Variants in FHOD3 observed in about 807,000 individuals in gnomAD.
FHOD3 encodes the protein formin homology 2 domain containing 3.
Under a neutral mutation model 173.0 loss-of-function variants are expected in FHOD3, and 90 were observed. That is an observed-to-expected ratio of 0.52 (90% CI 0.44 to 0.62). FHOD3 has a LOEUF of 0.62. FHOD3 is among the 20% of genes least tolerant of loss of function. FHOD3 has a pLI of 0.00. For missense variants in FHOD3, 1,945 were observed against 2,034.7 expected (o/e 0.96, Z 0.85); for synonymous variants, 828 against 823.0 (o/e 1.01, Z -0.10).
At chr18:36,625,819 C>T in intron 10 of FHOD3, 70 bp downstream of exon 10, 1 of 1,318,690 alleles carries the variant, frequency 7.6e-7, no homozygotes, top group Non-Finnish European at 1.0e-6. Flanking sequence ...AGGTGCCTGC[C>T]ACTCTCCCCT....
chr18:36,769,217 G>A (rs2043268485), intron 27 of FHOD3, 48 bp from the exon 28 acceptor site: 1 of 1,594,674 alleles, frequency 6.3e-7, no homozygotes, highest in African/African-American at 1.3e-5. Context: ...TATATCTTTT[G>A]TGTTTTCCTT....
At chr18:36,376,868 A>G (rs2047465910) in intron 3 of FHOD3, among the ~76,000 whole-genome samples, 1 of 152,264 alleles carries the variant, frequency 6.6e-6, no homozygotes, top group Non-Finnish European at 1.5e-5. Context: ...AGAACCTCCT[A>G]GTGCAAGAGT....
At chr18:36,723,874 A>G (rs2040917226) in intron 19 of FHOD3, among the ~76,000 whole-genome samples, 1 of 152,212 alleles carries the variant, frequency 6.6e-6, no homozygotes, top group Non-Finnish European at 1.5e-5. Context: ...AAGCTTAATG[A>G]CTACTATTAA....
At chr18:36,640,479 C>A (rs560211627) in intron 10 of FHOD3, among the ~76,000 whole-genome samples, 1 of 152,294 alleles carries the variant, frequency 6.6e-6, no homozygotes, top group African/African-American at 2.4e-5. Flanking sequence ...AGGCCAAGAT[C>A]AAACTGCAAT....
At chr18:36,471,409 T>A (rs757047014) in intron 3 of FHOD3, among the ~76,000 whole-genome samples, 5 of 152,206 alleles carry the variant, frequency 3.3e-5, no homozygotes, top group Non-Finnish European at 7.3e-5. Context: ...AAAATTGTTA[T>A]GCGTGGATAT....
chr18:36,605,442 T>G (rs1287365129), intron 8 of FHOD3, among the ~76,000 whole-genome samples: 5 of 152,226 alleles, frequency 3.3e-5, no homozygotes, highest in Admixed American at 6.5e-5. Context: ...CACTTACTCT[T>G]TCTCTTCTGG....
chr18:36,480,079 G>T (rs1223115888), intron 3 of FHOD3, among the ~76,000 whole-genome samples: 1 of 152,222 alleles, frequency 6.6e-6, no homozygotes. Flanking sequence ...CTGGGTTTAA[G>T]CAAATGTACT....
chr18:36,530,709 T>A (rs8097278), intron 5 of FHOD3, among the ~76,000 whole-genome samples: 87,998 of 152,110 alleles, frequency 0.58, 25,475 homozygotes, highest in East Asian at 0.62. Context: ...ATCCATGTGA[T>A]TTTCTCTAGG....
intron 6 of FHOD3, among the ~76,000 whole-genome samples, chr18:36,590,210 C>T (rs562837174): frequency 2.7e-4 from 41 of 151,608 alleles, no homozygotes; most frequent in South Asian, 4.2e-4. Context: ...AACATAAGCG[C>T]AAGGGGCACC....
intron 14 of FHOD3, among the ~76,000 whole-genome samples, chr18:36,678,685 G>C (rs902844422): frequency 1.3e-5 from 2 of 151,482 alleles, no homozygotes; most frequent in African/African-American, 2.4e-5. Flanking sequence ...TTAAACAAAT[G>C]GTTGTTGAAT....
chr18:36,571,214 T>C (rs1460509278), intron 5 of FHOD3, among the ~76,000 whole-genome samples: 1 of 152,200 alleles, frequency 6.6e-6, no homozygotes, highest in Non-Finnish European at 1.5e-5. Flanking sequence ...ATTTTGTTTC[T>C]ATATACTAAC....
At chr18:36,454,300 G>A (rs2052037780) in intron 3 of FHOD3, among the ~76,000 whole-genome samples, 1 of 151,872 alleles carries the variant, frequency 6.6e-6, no homozygotes, top group Non-Finnish European at 1.5e-5. Flanking sequence ...TACACCCAGG[G>A]ACACACATGG....
chr18:36,532,997 C>T (rs1267515168), intron 5 of FHOD3, among the ~76,000 whole-genome samples: 1 of 152,188 alleles, frequency 6.6e-6, no homozygotes, highest in African/African-American at 2.4e-5. Context: ...CCTGGGCTTC[C>T]CACAGTGGGA....
chr18:36,361,701 A>G (rs2046629469), intron 2 of FHOD3, among the ~76,000 whole-genome samples: 1 of 150,638 alleles, frequency 6.6e-6, no homozygotes, highest in Admixed American at 6.6e-5. Flanking sequence ...AAAAAAAAAA[A>G]GAAAAAAAAA....
chr18:36,660,498 G>C (rs192657994), intron 14 of FHOD3, among the ~76,000 whole-genome samples: 1 of 152,348 alleles, frequency 6.6e-6, no homozygotes, highest in Admixed American at 6.5e-5. Flanking sequence ...AGAGATGACC[G>C]TGCCCAACAT....
chr18:36,608,269 G>A (rs1331178627), intron 8 of FHOD3, among the ~76,000 whole-genome samples: 1 of 152,218 alleles, frequency 6.6e-6, no homozygotes, highest in Non-Finnish European at 1.5e-5. Flanking sequence ...CAAGATGCTG[G>A]CATCTGGCCA....
At chr18:36,512,365 T>C in intron 4 of FHOD3, 73 bp from the exon 5 acceptor site, 2 of 1,148,424 alleles carry the variant, frequency 1.7e-6, no homozygotes, top group Non-Finnish European at 1.3e-6. Context: ...TTGTACATAG[T>C]TTTAGCAGCA....
intron 27 of FHOD3, among the ~76,000 whole-genome samples, chr18:36,765,769 A>C (rs1427411568): frequency 1.3e-5 from 2 of 152,186 alleles, no homozygotes; most frequent in Non-Finnish European, 2.9e-5. Context: ...GGTTAATAGA[A>C]AATGTATAAA....
Position 36,736,005 on chromosome 18 carries a change from C to T in FHOD3, c.3577-4651C>T, listed in dbSNP as rs568576922. Among the ~76,000 whole-genome samples the T allele has an allele frequency of 1.6e-4, 25 of 152,314 alleles. No homozygotes were observed. The South Asian group carries it at 1.7e-3, about 10-fold the overall frequency. On this transcript the variant is annotated intron_variant, in intron 20 of 28. Transcript: ENST00000590592. ...GCTGGAGAGACGCTGTCTAGGCAAA[C>T]GCTAAAAACATGGAAGTTATCACAT...
Sources: allele counts gnomAD v4.1 joint callset (sites outside exome capture counted in the v4.1 genomes callset), GRCh38; gene constraint gnomAD v4.1.1; transcripts MANE v1.5; gene names NCBI Gene and HGNC (gene_info 2026-07-23, HGNC 2026-07-21).